Variants in SNX13 observed in about 807,000 individuals in gnomAD.
SNX13 encodes the protein sorting nexin 13.
Under a neutral mutation model 133.6 loss-of-function variants are expected in SNX13, and 45 were observed. That is an observed-to-expected ratio of 0.34 (90% confidence interval 0.27 to 0.43). The LOEUF is 0.43. Among genes scored for constraint, SNX13 ranks in the 20% least tolerant of loss-of-function variants. The pLI, the probability that SNX13 is intolerant of heterozygous loss-of-function variation, is 1.00. For missense variants in SNX13, 1,032 were observed against 1,145.1 expected (o/e 0.90, Z 1.43); for synonymous variants, 414 against 373.9 (o/e 1.11, Z -1.24).
chr7:17,890,414 A>T lies in SNX13; in HGVS notation c.389T>A (p.Leu130His). 1 of 1,611,362 alleles carries T rather than the reference A, an allele frequency of 6.2e-7. No homozygotes were observed. Among genetic ancestry groups the T allele is most frequent in the Non-Finnish European group, 8.5e-7 (1 of 1,178,266 alleles). ...YYTLSDDESF[L>H]LEIRQTLQNA... ...TTGAAGAGTCTGCCTAATTTCAAGA[A>T]GAAAAGATTCATCATCGCTTAGTGT... The change falls in exon 5 of 26, where the codon CTT becomes CAT. Residue 130 changes from leucine to histidine, a missense_variant. Transcript: ENST00000428135.
chr7:17,801,009 C>CTTTT lies in SNX13; in HGVS notation c.2298+578_2298+579insAAAA, dbSNP rs1289471310. On this transcript the variant is annotated intron_variant, in intron 22 of 25. Coordinates refer to ENST00000428135, the MANE Select transcript of SNX13 (RefSeq NM_015132.5). The stretch of plus-strand genomic sequence containing the variant: ...CTTGGCAGTATCTACTAAAACTGAA[C>CTTTT]ATATATATATATATATATATATATA... Among the ~76,000 whole-genome samples the CTTTT allele has an allele frequency of 5.1e-4, 61 of 120,212 alleles. 2 individuals are homozygous for CTTTT. Among genetic ancestry groups the CTTTT allele is most frequent in the African/African-American group, 1.7e-3 (59 of 35,300 alleles). 78.9% of individuals were successfully genotyped at this position (120,212 alleles called of 152,430 possible).
intron 5 of SNX13, among the ~76,000 whole-genome samples, chr7:17,878,247 G>A (rs77467133): frequency 1.4e-3 from 218 of 151,848 alleles, no homozygotes; most frequent in Non-Finnish European, 2.3e-3. Flanking sequence ...TAAAACAACC[G>A]GGCTATTACA....
Position 17,893,325 on chromosome 7 carries a change from GA to G in SNX13, c.228+6del. 6.5e-7 allele frequency: 1 copy of G among 1,546,656 alleles called. No individual in the cohort carries two copies. The highest frequency in any genetic ancestry group is 1.4e-5 in the African/African-American group (1 of 73,364). On this transcript the variant is annotated splice_donor_region_variant and intron_variant, in intron 3 of 25. Transcript: ENST00000428135. Reference sequence around the variant, plus strand: ...TTTGAGGTTTTATATTCCCTCAAACGATTTACCTTAGGAACCCCAGGTGATG... The same window carrying G: ...TTTGAGGTTTTATATTCCCTCAAACGTTTACCTTAGGAACCCCAGGTGATG...
At chr7:17,809,327 T>C (rs1303426867) in intron 20 of SNX13, among the ~76,000 whole-genome samples, 1 of 146,762 alleles carries the variant, frequency 6.8e-6, no homozygotes, top group African/African-American at 2.5e-5. Flanking sequence ...GCAATCTTAG[T>C]CTCTGATAAA....
At chr7:17,906,657 T>C (rs569468266) in intron 1 of SNX13, among the ~76,000 whole-genome samples, 1 of 152,282 alleles carries the variant, frequency 6.6e-6, no homozygotes, top group East Asian at 1.9e-4. Flanking sequence ...TTGTGACACA[T>C]TTTTTAATTA....
intron 18 of SNX13, 62 bp from the exon 19 acceptor site, chr7:17,816,351 T>C (rs1039276145): frequency 9.4e-6 from 14 of 1,488,980 alleles, no homozygotes; most frequent in Non-Finnish European, 9.9e-6. Context: ...CCCAAGTGAT[T>C]ATTTCTCTAC....
Position 17,793,794 on chromosome 7 carries a change from T to A in SNX13, c.*251A>T. Reference sequence around the variant, plus strand: ...GGAAGAAACCAACGCCATTCTTGCTTGAGATGGGGGCAGTTTTCTCTCAAT... The same window carrying A: ...GGAAGAAACCAACGCCATTCTTGCTAGAGATGGGGGCAGTTTTCTCTCAAT... On this transcript the variant is annotated 3_prime_UTR_variant, in exon 26 of 26. Transcript: ENST00000428135. 1 of 354,266 alleles carries A rather than the reference T, an allele frequency of 2.8e-6. No individual in the cohort carries two copies. The highest frequency in any genetic ancestry group is 5.1e-6 in the Non-Finnish European group (1 of 195,434). 21.9% of individuals were successfully genotyped at this position (354,266 alleles called of 1,614,324 possible).
intron 1 of SNX13, among the ~76,000 whole-genome samples, chr7:17,911,320 GT>G (rs1386475950): frequency 3.9e-5 from 6 of 152,146 alleles, no homozygotes; most frequent in Admixed American, 3.9e-4. Context: ...CTCAGCAACA[GT>G]TTTTCAGGAA....
chr7:17,832,158 A>T, intron 15 of SNX13: 1 of 984,376 alleles, frequency 1.0e-6, no homozygotes, highest in Non-Finnish European at 1.2e-6. Flanking sequence ...TATTTACTTC[A>T]GATCAAAACC....
intron 1 of SNX13, among the ~76,000 whole-genome samples, chr7:17,913,795 G>A (rs1799268454): frequency 6.9e-6 from 1 of 145,898 alleles, no homozygotes; most frequent in South Asian, 2.2e-4. Flanking sequence ...AGCAGCATCG[G>A]CTCCCTCAGA....
chr7:17,829,309 C>A (rs1028328870), intron 16 of SNX13, among the ~76,000 whole-genome samples: 4 of 151,448 alleles, frequency 2.6e-5, no homozygotes, highest in Admixed American at 6.6e-5. Context: ...CTTCATAGAA[C>A]GCTAATATTT....
intron 1 of SNX13, among the ~76,000 whole-genome samples, chr7:17,930,286 C>T (rs1482207728): frequency 1.3e-5 from 2 of 152,122 alleles, no homozygotes; most frequent in African/African-American, 4.8e-5. Flanking sequence ...AGCAACCTTT[C>T]CAAGGTCAAA....
At chr7:17,843,277 G>A (rs138807732) in intron 12 of SNX13, among the ~76,000 whole-genome samples, 1 of 152,116 alleles carries the variant, frequency 6.6e-6, no homozygotes, top group Non-Finnish European at 1.5e-5. Flanking sequence ...TAGAGCAGGG[G>A]AGGCTACACT....
intron 16 of SNX13, among the ~76,000 whole-genome samples, chr7:17,827,669 CA>C: frequency 1.3e-5 from 2 of 151,890 alleles, no homozygotes; most frequent in African/African-American, 4.8e-5. Context: ...AGACTTTAAC[CA>C]TATCAACTAC....
At chr7:17,913,199 G>T (rs1393157328) in intron 1 of SNX13, among the ~76,000 whole-genome samples, 1 of 152,194 alleles carries the variant, frequency 6.6e-6, no homozygotes, top group Admixed American at 6.5e-5. Context: ...GGAAACACAA[G>T]TGTGGTGCCA....
At chr7:17,854,040 A>C (rs1791576347) in intron 9 of SNX13, among the ~76,000 whole-genome samples, 1 of 152,214 alleles carries the variant, frequency 6.6e-6, no homozygotes, top group Non-Finnish European at 1.5e-5. Context: ...AAATGACAAC[A>C]AAACTGAAAT....
chr7:17,796,678 T>C (rs1784087148), intron 25 of SNX13, 149 bp downstream of exon 25: 2 of 618,566 alleles, frequency 3.2e-6, no homozygotes, highest in African/African-American at 1.8e-5. Flanking sequence ...TAAGAACATA[T>C]GAGAAATGCC....
intron 20 of SNX13, among the ~76,000 whole-genome samples, chr7:17,810,121 G>C (rs1422376385): frequency 6.6e-6 from 1 of 152,066 alleles, no homozygotes; most frequent in Non-Finnish European, 1.5e-5. Flanking sequence ...ACTAAGATCA[G>C]AGCAGAACTG....
intron 17 of SNX13, among the ~76,000 whole-genome samples, chr7:17,824,946 T>C (rs903115773): frequency 2.0e-5 from 3 of 152,098 alleles, no homozygotes; most frequent in African/African-American, 7.2e-5. Context: ...ATTTTTGTAT[T>C]TTTAGTAGAG....
Sources: gnomAD v4.1 joint callset for allele counts (sites outside exome capture counted in the v4.1 genomes callset) on GRCh38, gnomAD v4.1.1 for gene constraint, MANE v1.5 for transcripts, NCBI Gene and HGNC (gene_info 2026-07-23, HGNC 2026-07-21) for gene names.